Variants in CDK14 observed in about 807,000 individuals in gnomAD.
CDK14 encodes cyclin-dependent kinase 14.
A neutral mutation model predicts 60.7 loss-of-function variants in CDK14; 34 were observed. The ratio of observed to expected loss-of-function variants is 0.56; its 90% confidence interval spans 0.43 to 0.75. The LOEUF (loss-of-function observed/expected upper bound fraction) is 0.75, where lower values mean the gene tolerates loss of function less well. Ranked by LOEUF, CDK14 falls within the 30% of genes least tolerant of loss-of-function variation. The pLI is 0.00. For synonymous variants in CDK14, 197 were observed against 203.7 expected, an observed-to-expected ratio of 0.97 and a Z score of 0.28; for missense variants, 482 against 564.1, an observed-to-expected ratio of 0.85 and a Z score of 1.47.
intron 14 of CDK14, among the ~76,000 whole-genome samples, chr7:91,198,402 T>C: frequency 6.6e-6 from 1 of 152,160 alleles, no homozygotes; most frequent in East Asian, 1.9e-4. Flanking sequence ...GCTGCCCAAT[T>C]TTGGATGCAA....
At chr7:91,103,844 A>AGAGAGAGAG (rs1562905796) in intron 12 of CDK14, among the ~76,000 whole-genome samples, 32 of 144,910 alleles carry the variant, frequency 2.2e-4, no homozygotes, top group African/African-American at 7.4e-4. Context: ...GAGAGAGAGA[A>AGAGAGAGAG]AGAGAGAGAG....
At chr7:90,760,243 C>T (rs372496925) in intron 4 of CDK14, among the ~76,000 whole-genome samples, 3 of 152,100 alleles carry the variant, frequency 2.0e-5, no homozygotes, top group African/African-American at 7.2e-5. Flanking sequence ...CAAGCAGCAG[C>T]GCAAGAAGAA....
chr7:91,199,294 T>A (rs989233176), intron 14 of CDK14, among the ~76,000 whole-genome samples: 4 of 152,136 alleles, frequency 2.6e-5, no homozygotes, highest in Admixed American at 1.3e-4. Context: ...TAATCTTTTT[T>A]AAAAATGATA....
At chr7:90,802,104 A>G (rs1788661314) in intron 5 of CDK14, among the ~76,000 whole-genome samples, 1 of 152,072 alleles carries the variant, frequency 6.6e-6, no homozygotes, top group African/African-American at 2.4e-5. Context: ...AAGGACAAAC[A>G]TTTGTTTCCA....
intron 2 of CDK14, among the ~76,000 whole-genome samples, chr7:90,698,629 G>A (rs1801714808): frequency 6.6e-6 from 1 of 152,074 alleles, no homozygotes; most frequent in Non-Finnish European, 1.5e-5. Context: ...TTCCTGATTG[G>A]CATCAATTAT....
At chr7:91,029,000 T>C (rs1280802939) in intron 10 of CDK14, among the ~76,000 whole-genome samples, 3 of 152,152 alleles carry the variant, frequency 2.0e-5, no homozygotes, top group Non-Finnish European at 4.4e-5. Flanking sequence ...TCACATTTGC[T>C]TTTAGGGTCT....
intron 5 of CDK14, among the ~76,000 whole-genome samples, chr7:90,800,131 C>T (rs944857019): frequency 2.6e-5 from 4 of 152,072 alleles, no homozygotes; most frequent in Non-Finnish European, 4.4e-5. Context: ...GTGCTTTATC[C>T]ACCTTCTCTC....
chr7:90,702,420 T>C (rs1042406155), intron 2 of CDK14, among the ~76,000 whole-genome samples: 1 of 152,126 alleles, frequency 6.6e-6, no homozygotes, highest in African/African-American at 2.4e-5. Context: ...TGTTAAATGA[T>C]CTATGATGAA....
chr7:90,799,881 G>A (rs1240374083), intron 5 of CDK14, among the ~76,000 whole-genome samples: 1 of 151,948 alleles, frequency 6.6e-6, no homozygotes, highest in African/African-American at 2.4e-5. Flanking sequence ...TTTGAGGGGG[G>A]ACATGGGAAA....
intron 5 of CDK14, among the ~76,000 whole-genome samples, chr7:90,827,250 A>G (rs1789757359): frequency 6.6e-6 from 1 of 152,138 alleles, no homozygotes; most frequent in South Asian, 2.1e-4. Context: ...TTTGCATTTA[A>G]AGTTCCTGTA....
chr7:90,936,631 T>C (rs1475275182), intron 8 of CDK14, among the ~76,000 whole-genome samples: 1 of 152,218 alleles, frequency 6.6e-6, no homozygotes, highest in African/African-American at 2.4e-5. Context: ...TATCTAAAGC[T>C]GAATAATTCC....
chr7:90,682,248 T>TTTGTGAACTAAAGACCAGAGAGGA, intron 2 of CDK14, among the ~76,000 whole-genome samples: 1 of 152,180 alleles, frequency 6.6e-6, no homozygotes, highest in Non-Finnish European at 1.5e-5. Context: ...AGGGAAAATG[T>TTTGTGAACTAAAGACCAGAGAGGA]ATAAATATCT....
intron 2 of CDK14, among the ~76,000 whole-genome samples, chr7:90,698,181 T>A (rs1021809937): frequency 6.6e-6 from 1 of 152,068 alleles, no homozygotes; most frequent in Non-Finnish European, 1.5e-5. Context: ...TTTTACTTGA[T>A]GTTTGTTCTG....
chr7:90,710,324 AT>A (rs374598748), intron 2 of CDK14: 54 of 969,580 alleles, frequency 5.6e-5, no homozygotes, highest in South Asian at 9.6e-5. Flanking sequence ...GAGATCTTAC[AT>A]TTTTTTTTGC....
At chr7:91,105,949 G>T (rs923433241) in intron 12 of CDK14, among the ~76,000 whole-genome samples, 27 of 152,142 alleles carry the variant, frequency 1.8e-4, no homozygotes, top group African/African-American at 6.5e-4. Context: ...ATTGAACTGA[G>T]CGATGGCTCT....
intron 14 of CDK14, among the ~76,000 whole-genome samples, chr7:91,183,623 G>C (rs9649159): frequency 0.42 from 64,465 of 151,916 alleles, 15,908 homozygotes; most frequent in Non-Finnish European, 0.56. Context: ...TCCTTCATTC[G>C]CTTCCCTTCT....
At chr7:90,920,725 A>G (rs1793223923) in intron 8 of CDK14, among the ~76,000 whole-genome samples, 1 of 152,234 alleles carries the variant, frequency 6.6e-6, no homozygotes. Flanking sequence ...TATGACACCC[A>G]TGCTTTATAA....
intron 14 of CDK14, among the ~76,000 whole-genome samples, chr7:91,134,073 C>T (rs899368948): frequency 2.6e-5 from 4 of 152,224 alleles, no homozygotes; most frequent in African/African-American, 9.6e-5. Flanking sequence ...TCCGGATTCT[C>T]CACCTGCTGC....
At chr7:90,965,569 C>A (rs888693578) in intron 9 of CDK14, among the ~76,000 whole-genome samples, 10 of 152,158 alleles carry the variant, frequency 6.6e-5, no homozygotes, top group Non-Finnish European at 1.5e-4. Context: ...TCCCTTATAG[C>A]TCTATTCGTA....
Sources: gnomAD v4.1 joint callset for allele counts (sites outside exome capture counted in the v4.1 genomes callset) on GRCh38, gnomAD v4.1.1 for gene constraint, MANE v1.5 for transcripts, NCBI Gene and HGNC (gene_info 2026-07-23, HGNC 2026-07-21) for gene names.